Variants in RAB21 observed in about 807,000 individuals in gnomAD.
RAB21 encodes the protein RAB21, member RAS oncogene family, also known as ras-related protein Rab-21.
RAB21 carries 13 observed loss-of-function variants against 33.1 expected under a neutral mutation model. The ratio of observed to expected loss-of-function variants is 0.39; its 90% CI spans 0.26 to 0.62. The LOEUF (loss-of-function observed/expected upper bound fraction) is 0.62, where lower values mean the gene tolerates loss of function less well. Among genes scored for constraint, RAB21 ranks in the 20% least tolerant of loss-of-function variants. RAB21 has a pLI of 0.48. For missense variants in RAB21, 234 were observed against 279.1 expected (o/e 0.84, Z 1.15); for synonymous variants, 91 against 103.7 (o/e 0.88, Z 0.74).
Position 71,792,131 on chromosome 12 carries a change from C to T in RAB21, c.*6458C>T, listed in dbSNP as rs1301451083. On this transcript the variant is annotated 3_prime_UTR_variant, in exon 7 of 7. Coordinates refer to ENST00000261263, the MANE Select transcript of RAB21 (RefSeq NM_014999.4). Reference sequence around the variant, plus strand: ...AAGTGATCCTCCTGCCTTGGCCTCTCAAAGTACTAGGATAACAGTCATGAG... The same window carrying T: ...AAGTGATCCTCCTGCCTTGGCCTCTTAAAGTACTAGGATAACAGTCATGAG... 1 of 152,136 alleles carries T rather than the reference C, an allele frequency of 6.6e-6. No individual in the cohort carries two copies. The highest frequency in any genetic ancestry group is 1.5e-5 in the Non-Finnish European group (1 of 68,046). 9.4% of individuals were successfully genotyped at this position (152,136 alleles called of 1,614,324 possible).
chr12:71,757,123 T>A (rs1882796849), intron 1 of RAB21, among the ~76,000 whole-genome samples: 1 of 152,200 alleles, frequency 6.6e-6, no homozygotes, highest in African/African-American at 2.4e-5. Context: ...CACGTTTTTT[T>A]TCAAAAGATA....
intron 1 of RAB21, among the ~76,000 whole-genome samples, chr12:71,761,435 T>G (rs966609315): frequency 6.6e-6 from 1 of 152,102 alleles, no homozygotes; most frequent in Non-Finnish European, 1.5e-5. Context: ...GCCCAGCACT[T>G]TGGGAGGCTG....
intron 1 of RAB21, among the ~76,000 whole-genome samples, chr12:71,768,140 G>T (rs1592645198): frequency 6.6e-6 from 1 of 152,152 alleles, no homozygotes; most frequent in East Asian, 1.9e-4. Flanking sequence ...AAAATATCTT[G>T]AGGATAGCTT....
chr12:71,793,439 A>G lies in RAB21; in HGVS notation c.*7766A>G, dbSNP rs1413665871. ...CATCTTTTCAGTGTCTTTTAAGGAT[A>G]TTTTTGATATTACAATATAATAAAG... On this transcript the variant is annotated 3_prime_UTR_variant, in exon 7 of 7. Transcript: ENST00000261263. 1 of 152,162 alleles carries G rather than the reference A, an allele frequency of 6.6e-6. No homozygotes were observed. Among genetic ancestry groups the G allele is most frequent in the Non-Finnish European group, 1.5e-5 (1 of 68,026 alleles). The allele number at this position is 152,162 out of a possible 1,614,324, so 9.4% of individuals were successfully genotyped here. A position where few individuals can be genotyped will look rare whatever the true frequency, so the allele number is the denominator to read the frequency against.
At position 71,789,649 on chromosome 12, in the gene RAB21, T is replaced by G. The variant is rs1262501264; in HGVS notation, c.*3976T>G. ...GATATAAACTGAGTAGATCCCTAAGTACTCTTCTCTAAATTATAAAATGCA... is the reference window on the plus strand; with the variant it reads ...GATATAAACTGAGTAGATCCCTAAGGACTCTTCTCTAAATTATAAAATGCA... On this transcript the variant is annotated 3_prime_UTR_variant, in exon 7 of 7. Coordinates refer to ENST00000261263, the MANE Select transcript of RAB21 (RefSeq NM_014999.4). 6.6e-6 allele frequency: 1 copy of G among 152,144 alleles called. No individual in the cohort carries two copies. Among genetic ancestry groups the G allele is most frequent in the African/African-American group, 2.4e-5 (1 of 41,454 alleles). The allele number at this position is 152,144 out of a possible 1,614,324, so 9.4% of individuals were successfully genotyped here.
At chr12:71,762,614 G>A (rs989223822) in intron 1 of RAB21, among the ~76,000 whole-genome samples, 3 of 151,592 alleles carry the variant, frequency 2.0e-5, no homozygotes, top group Admixed American at 6.6e-5. Flanking sequence ...ATGGTGTATC[G>A]CCCTTTCGCC....
Position 71,755,297 on chromosome 12 carries a change from CT to C in RAB21, c.159+10del. ...ACATCACCACTCTGCAGGTGCGGAC[CT>C]CGGGGAGCGGGAGGGGGCGCCTCAG... On this transcript the variant is annotated intron_variant, in intron 1 of 6. Transcript: ENST00000261263. The C allele has an allele frequency of 6.6e-7, 1 of 1,508,326 alleles. No homozygotes were observed. The highest frequency in any genetic ancestry group is 1.4e-5 in the African/African-American group (1 of 69,282). The allele number at this position is 1,508,326 out of a possible 1,614,324, so 93.4% of individuals were successfully genotyped here. A position where few individuals can be genotyped will look rare whatever the true frequency, so the allele number is the denominator to read the frequency against.
intron 4 of RAB21, among the ~76,000 whole-genome samples, chr12:71,780,150 G>A (rs981412772): frequency 7.9e-5 from 12 of 152,110 alleles, no homozygotes; most frequent in Non-Finnish European, 1.8e-4. Flanking sequence ...TAATAAAGCA[G>A]TGTCTGAATT....
Position 71,791,609 on chromosome 12 carries a change from C to T in RAB21, c.*5936C>T, listed in dbSNP as rs1372713619. Reference sequence around the variant, plus strand: ...ACAGGACATGATGCTACCAAAAATTCAAACTTGTATTTGATCTGTGCCTTT... The same window carrying T: ...ACAGGACATGATGCTACCAAAAATTTAAACTTGTATTTGATCTGTGCCTTT... On this transcript the variant is annotated 3_prime_UTR_variant, in exon 7 of 7. Coordinates refer to ENST00000261263, the MANE Select transcript of RAB21 (RefSeq NM_014999.4). 1 of 152,196 alleles carries T rather than the reference C, an allele frequency of 6.6e-6. No homozygotes were observed. The highest frequency in any genetic ancestry group is 2.4e-5 in the African/African-American group (1 of 41,452). 9.4% of individuals were successfully genotyped at this position (152,196 alleles called of 1,614,324 possible).
chr12:71,782,116 A>G, intron 5 of RAB21, 31 bp downstream of exon 5: 1 of 1,564,820 alleles, frequency 6.4e-7, no homozygotes, highest in Non-Finnish European at 8.8e-7. Flanking sequence ...ATTCCCCATC[A>G]CTCCCTAGTA....
At chr12:71,778,551 T>A (rs991668795) in intron 4 of RAB21, among the ~76,000 whole-genome samples, 3 of 152,150 alleles carry the variant, frequency 2.0e-5, no homozygotes, top group African/African-American at 7.2e-5. Context: ...CCCATATCCT[T>A]AATAAACACT....
At chr12:71,778,710 G>A (rs1166664825) in intron 4 of RAB21, among the ~76,000 whole-genome samples, 1 of 152,208 alleles carries the variant, frequency 6.6e-6, no homozygotes, top group East Asian at 1.9e-4. Context: ...CTATGGAAGG[G>A]AAATGCAGAA....
Position 71,762,054 on chromosome 12 carries a change from A to T in RAB21, c.159+6766A>T, listed in dbSNP as rs184857270. On this transcript the variant is annotated intron_variant, in intron 1 of 6. Transcript: ENST00000261263. ...TAAAATCTTTTTCTGCTTAGTATTT[A>T]ATTAGTATTTTATAGAAGTTTGGGT... is the stretch of plus-strand genomic sequence containing the variant. 5.6e-3 allele frequency among the ~76,000 whole-genome samples: 853 copies of T among 152,308 alleles called. 10 individuals carry two copies. Among genetic ancestry groups the T allele is most frequent in the African/African-American group, 0.019 (810 of 41,576 alleles).
At chr12:71,785,393 C>A in intron 6 of RAB21, 138 bp from the exon 7 acceptor site, 1 of 971,802 alleles carries the variant, frequency 1.0e-6, no homozygotes, top group Non-Finnish European at 1.5e-6. Context: ...TTTTAGTGAG[C>A]TGACCCAATG....
At chr12:71,781,965 A>G in intron 4 of RAB21, 66 bp from the exon 5 acceptor site, 1 of 1,249,752 alleles carries the variant, frequency 8.0e-7, no homozygotes, top group Non-Finnish European at 1.1e-6. Context: ...TTATATTTAG[A>G]ATTGGCTTAA....
chr12:71,770,762 AT>A, intron 3 of RAB21, 63 bp downstream of exon 3: 1 of 1,071,378 alleles, frequency 9.3e-7, no homozygotes, highest in Non-Finnish European at 1.4e-6. Flanking sequence ...TTCCATTAAT[AT>A]ACCTTTATTC....
chr12:71,755,333 C>T (rs1250303426), intron 1 of RAB21, 45 bp downstream of exon 1: 4 of 1,446,280 alleles, frequency 2.8e-6, no homozygotes, highest in East Asian at 3.1e-5. Flanking sequence ...GGGCCCCTAC[C>T]CCTCCGGGGC....
rs1389945551 is a variant in RAB21, at chr12:71,795,589, G to C, written c.*9916G>C. On this transcript the variant is annotated 3_prime_UTR_variant, in exon 7 of 7. Transcript: ENST00000261263. ...TCAGTAAATTATAAATTACACAGAA[G>C]CTTCCAGCTACCTGGTATTTGCATG... The C allele has an allele frequency of 7.3e-6, 1 of 137,440 alleles. No homozygotes were observed. Among genetic ancestry groups the C allele is most frequent in the South Asian group, 2.6e-4 (1 of 3,856 alleles). The allele number at this position is 137,440 out of a possible 1,614,324, so 8.5% of individuals were successfully genotyped here. A position where few individuals can be genotyped will look rare whatever the true frequency, so the allele number is the denominator to read the frequency against.
At chr12:71,779,572 C>T (rs1271541593) in intron 4 of RAB21, among the ~76,000 whole-genome samples, 1 of 152,208 alleles carries the variant, frequency 6.6e-6, no homozygotes, top group African/African-American at 2.4e-5. Flanking sequence ...CACAACCATT[C>T]AGTCTAAGCA....
Sources: gnomAD v4.1 joint callset for allele counts (sites outside exome capture counted in the v4.1 genomes callset) on GRCh38, gnomAD v4.1.1 for gene constraint, MANE v1.5 for transcripts, NCBI Gene and HGNC (gene_info 2026-07-23, HGNC 2026-07-21) for gene names.